The following ZNF423 variants were observed in gnomAD, a reference collection of about 807,000 sequenced individuals.
ZNF423 encodes zinc finger protein 423, also known as Ebf-associated zinc finger protein.
A neutral mutation model predicts 95.8 loss-of-function variants in ZNF423; 12 were observed. That is an observed-to-expected ratio of 0.13 (90% CI 0.08 to 0.20). The LOEUF is 0.20. Ranked by LOEUF, ZNF423 falls within the 10% of genes least tolerant of loss-of-function variation. The pLI is 1.00. For missense variants in ZNF423, 1,316 were observed against 1,737.1 expected (o/e 0.76, Z 4.31); for synonymous variants, 749 against 711.9 (o/e 1.05, Z -0.83).
chr16:49,814,231 G>A (rs1011663965), intron 1 of ZNF423, among the ~76,000 whole-genome samples: 4 of 151,456 alleles, frequency 2.6e-5, no homozygotes, highest in African/African-American at 9.7e-5. Context: ...AACCTTTTCA[G>A]GCATCACCTG....
intron 1 of ZNF423, among the ~76,000 whole-genome samples, chr16:49,825,847 G>T (rs896121715): frequency 3.9e-5 from 6 of 152,172 alleles, no homozygotes; most frequent in African/African-American, 1.4e-4. Context: ...AGACACAGGC[G>T]GTTCCAGGCC....
intron 7 of ZNF423, among the ~76,000 whole-genome samples, chr16:49,515,792 G>A (rs1470777706): frequency 6.6e-6 from 1 of 152,228 alleles, no homozygotes; most frequent in African/African-American, 2.4e-5. Context: ...GAAGCAGCAA[G>A]GCTCTTAGGA....
At chr16:49,571,633 G>T (rs561620627) in intron 5 of ZNF423, among the ~76,000 whole-genome samples, 2 of 152,308 alleles carry the variant, frequency 1.3e-5, no homozygotes, top group Admixed American at 1.3e-4. Flanking sequence ...GAAGGCTCCA[G>T]ACAGGGAGAC....
At chr16:49,827,770 G>A (rs1453209889) in intron 1 of ZNF423, among the ~76,000 whole-genome samples, 2 of 152,042 alleles carry the variant, frequency 1.3e-5, no homozygotes, top group Non-Finnish European at 2.9e-5. Context: ...CTACTGCCTC[G>A]GCCTCCGGAA....
At chr16:49,565,424 C>T (rs953759573) in intron 5 of ZNF423, among the ~76,000 whole-genome samples, 2 of 152,230 alleles carry the variant, frequency 1.3e-5, no homozygotes, top group Non-Finnish European at 1.5e-5. Context: ...TCTTCAAAAG[C>T]TCAAGCCTGA....
intron 1 of ZNF423, among the ~76,000 whole-genome samples, chr16:49,838,737 GC>G (rs1373495962): frequency 1.3e-5 from 2 of 151,870 alleles, no homozygotes; most frequent in Non-Finnish European, 1.5e-5. Flanking sequence ...CGCAGAACAA[GC>G]CAGGCCCCAC....
chr16:49,854,122 G>C, intron 1 of ZNF423: 2 of 985,288 alleles, frequency 2.0e-6, no homozygotes, highest in Non-Finnish European at 2.4e-6. Flanking sequence ...TCTCTCTTCT[G>C]GTTTCCCTGT....
At chr16:49,784,872 C>T (rs1240976191) in intron 2 of ZNF423, among the ~76,000 whole-genome samples, 1 of 151,582 alleles carries the variant, frequency 6.6e-6, no homozygotes, top group African/African-American at 2.4e-5. Context: ...ATCGCTTGAA[C>T]CCGGGCGGTG....
Position 49,498,376 on chromosome 16 carries a change from T to C in ZNF423, c.3850-7072A>G, listed in dbSNP as rs148125070. Among the ~76,000 whole-genome samples the C allele has an allele frequency of 3.0e-3, 463 of 152,346 alleles. 1 individual carries two copies. The highest frequency in any genetic ancestry group is 0.011 in the African/African-American group (448 of 41,582). ...TGTTCTGCCTGTGAGATGTGAAAAG[T>C]GCAGCATATGTTGGGGGAACAATGA... On this transcript the variant is annotated intron_variant, in intron 7 of 7. Coordinates refer to ENST00000563137, the MANE Select transcript of ZNF423 (RefSeq NM_001379286.1).
intron 1 of ZNF423, among the ~76,000 whole-genome samples, chr16:49,829,330 C>T (rs2035038651): frequency 6.6e-6 from 1 of 152,206 alleles, no homozygotes; most frequent in African/African-American, 2.4e-5. Context: ...CCCACTATCT[C>T]ATGGACAGAG....
At chr16:49,611,995 TA>T (rs1315805392) in intron 5 of ZNF423, among the ~76,000 whole-genome samples, 2 of 152,066 alleles carry the variant, frequency 1.3e-5, no homozygotes, top group South Asian at 4.1e-4. Context: ...ATTCATAATT[TA>T]AAACTCCCTG....
intron 3 of ZNF423, among the ~76,000 whole-genome samples, chr16:49,655,571 A>G (rs1901962101): frequency 6.6e-6 from 1 of 152,210 alleles, no homozygotes; most frequent in Non-Finnish European, 1.5e-5. Context: ...TGTGGACAGC[A>G]GAAGTATCAA....
chr16:49,770,660 G>A (rs2034016427), intron 2 of ZNF423, among the ~76,000 whole-genome samples: 1 of 152,120 alleles, frequency 6.6e-6, no homozygotes, highest in South Asian at 2.1e-4. Context: ...GGAGTAGGTG[G>A]GAAAGGGGAG....
At chr16:49,513,454 C>T (rs1373706974) in intron 7 of ZNF423, among the ~76,000 whole-genome samples, 2 of 152,204 alleles carry the variant, frequency 1.3e-5, no homozygotes, top group Non-Finnish European at 2.9e-5. Context: ...CTGGATCCAA[C>T]AGCAGCAGTA....
At chr16:49,809,353 C>T (rs926285708) in intron 1 of ZNF423, among the ~76,000 whole-genome samples, 8 of 152,182 alleles carry the variant, frequency 5.3e-5, no homozygotes, top group South Asian at 2.1e-4. Flanking sequence ...TCGTGCAAAG[C>T]GGCATAGGCT....
At chr16:49,819,784 C>T (rs572917771) in intron 1 of ZNF423, among the ~76,000 whole-genome samples, 2 of 152,230 alleles carry the variant, frequency 1.3e-5, no homozygotes, top group South Asian at 4.2e-4. Flanking sequence ...AGTGTTTAGA[C>T]GTGCAATGGT....
rs368675702 is a variant in ZNF423 at position 49,726,856 on chromosome 16, CAAAAAAAAAAA to C, written c.301+3904_301+3914del. ...ATTTAAAAGACAGAGTTCCCCCTAG[CAAAAAAAAAAA>C]AAAAAAAAAAAAAAAATGGCGAAGA... is the stretch of plus-strand genomic sequence containing the variant. On this transcript the variant is annotated intron_variant, in intron 3 of 7. Transcript: ENST00000563137. Among the ~76,000 whole-genome samples, 10 of 94,756 alleles carry C rather than the reference CAAAAAAAAAAA, an allele frequency of 1.1e-4. 1 individual carries two copies. The East Asian group carries it at 3.1e-3, about 29-fold the overall frequency. 62.2% of individuals were successfully genotyped at this position (94,756 alleles called of 152,430 possible). A position where few individuals can be genotyped will look rare whatever the true frequency, so the allele number is the denominator to read the frequency against.
chr16:49,487,991 C>T lies in ZNF423; in HGVS notation c.*3284G>A, dbSNP rs1241825960. On this transcript the variant is annotated 3_prime_UTR_variant, in exon 8 of 8. Coordinates refer to ENST00000563137, the MANE Select transcript of ZNF423 (RefSeq NM_001379286.1). ...TTTACTGGCATGCTTGCCTGTGCCA[C>T]TGTGGCCTCCATGAGGCCAGGGACC... 6.6e-6 allele frequency: 1 copy of T among 152,254 alleles called. No homozygotes were observed. The highest frequency in any genetic ancestry group is 1.5e-5 in the Non-Finnish European group (1 of 68,056). The allele number at this position is 152,254 out of a possible 1,614,324, so 9.4% of individuals were successfully genotyped here. A position where few individuals can be genotyped will look rare whatever the true frequency, so the allele number is the denominator to read the frequency against.
At chr16:49,780,706 G>C (rs1021573676) in intron 2 of ZNF423, 1 of 152,206 alleles carries the variant, frequency 6.6e-6, no homozygotes, top group Admixed American at 6.5e-5. Context: ...ACGCTCCCCC[G>C]GTGAGCTCAG....
Sources: allele counts gnomAD v4.1 joint callset (sites outside exome capture counted in the v4.1 genomes callset), GRCh38; gene constraint gnomAD v4.1.1; transcripts MANE v1.5; gene names NCBI Gene and HGNC (gene_info 2026-07-23, HGNC 2026-07-21).